Variants in CPAMD8 observed in about 807,000 individuals in gnomAD.
CPAMD8 encodes C3 and PZP-like alpha-2-macroglobulin domain-containing protein 8.
A neutral mutation model predicts 224.7 loss-of-function variants in CPAMD8; 146 were observed. That is an observed-to-expected ratio of 0.65 (90% confidence interval 0.57 to 0.75). The LOEUF (loss-of-function observed/expected upper bound fraction) is 0.75, where lower values mean the gene tolerates loss of function less well. CPAMD8 is among the 30% of genes least tolerant of loss of function. The pLI, the probability that CPAMD8 is intolerant of heterozygous loss-of-function variation, is 0.00. For missense variants in CPAMD8, 2,301 were observed against 2,537.5 expected, an observed-to-expected ratio of 0.91 and a Z score of 2.00; for synonymous variants, 966 against 1,044.6, an observed-to-expected ratio of 0.92 and a Z score of 1.45.
At chr19:16,904,095 C>T in intron 32 of CPAMD8, 131 bp downstream of exon 32, 1 of 1,104,700 alleles carries the variant, frequency 9.1e-7, no homozygotes, top group Non-Finnish European at 1.3e-6. Flanking sequence ...ACCCCCAACC[C>T]CTGCCCTCTT....
intron 27 of CPAMD8, among the ~76,000 whole-genome samples, chr19:16,919,599 G>A (rs146299440): frequency 1.7e-4 from 26 of 152,290 alleles, no homozygotes; most frequent in East Asian, 9.6e-4. Flanking sequence ...GAGATAATAC[G>A]TTTGTTGTTT....
Position 17,011,643 on chromosome 19 carries a change from C to G in CPAMD8, c.382G>C (p.Ala128Pro). 6 of 1,614,114 alleles carry G rather than the reference C, an allele frequency of 3.7e-6. No homozygotes were observed. Among genetic ancestry groups the G allele is most frequent in the Non-Finnish European group, 5.1e-6 (6 of 1,180,012 alleles). The change falls in exon 4 of 42, where the codon GCT (alanine) becomes CCT (proline). Residue 128 changes from alanine (A) to proline (P), a missense_variant. By Grantham distance (27) the Ala-to-Pro change is conservative. Coordinates refer to ENST00000443236, the MANE Select transcript of CPAMD8 (RefSeq NM_015692.5). ...TTGTCCGTCTGGATGAATACAGAAG[C>G]GCCCCGGCCGTCCACGGTCACCGAG... ...QTSVTVDGRG[A>P]SVFIQTDKPV...
chr19:17,012,098 C>G (rs531494303), intron 3 of CPAMD8, among the ~76,000 whole-genome samples: 1 of 152,120 alleles, frequency 6.6e-6, no homozygotes, highest in Non-Finnish European at 1.5e-5. Context: ...CAGCTCATTG[C>G]AACCTCTGTC....
chr19:17,014,404 G>A (rs552575024), intron 3 of CPAMD8, among the ~76,000 whole-genome samples: 1 of 152,134 alleles, frequency 6.6e-6, no homozygotes, highest in African/African-American at 2.4e-5. Context: ...GCCCTGGCAT[G>A]TGAGTCATGC....
chr19:16,905,560 G>GAAAAAA (rs2052440430), intron 30 of CPAMD8, among the ~76,000 whole-genome samples: 1 of 109,480 alleles, frequency 9.1e-6, no homozygotes, highest in African/African-American at 3.6e-5. Flanking sequence ...AAAAAAAAAA[G>GAAAAAA]GAAGAAAAGA....
Position 16,957,922 on chromosome 19 carries a change from A to G in CPAMD8, c.2214-7T>C, listed in dbSNP as rs2054526017. On this transcript the variant is annotated splice_region_variant and splice_polypyrimidine_tract_variant and intron_variant, in intron 18 of 41. Transcript: ENST00000443236. Reference sequence around the variant, plus strand: ...CCTTTTTCTCTTCTCTGTTCTATGAAAAGAAAAAAAGAAACGATTAAGGTT... The same window carrying G: ...CCTTTTTCTCTTCTCTGTTCTATGAGAAGAAAAAAAGAAACGATTAAGGTT... 1.2e-6 allele frequency: 2 copies of G among 1,610,570 alleles called. No individual in the cohort carries two copies. The highest frequency in any genetic ancestry group is 4.5e-5 in the East Asian group (2 of 44,878).
At chr19:16,955,986 G>A (rs986181267) in intron 19 of CPAMD8, among the ~76,000 whole-genome samples, 7 of 152,244 alleles carry the variant, frequency 4.6e-5, no homozygotes, top group Middle Eastern at 3.4e-3. Flanking sequence ...CTTTAAACGG[G>A]TGTGGTTTAA....
chr19:16,950,676 C>T (rs2054268866), intron 20 of CPAMD8, among the ~76,000 whole-genome samples: 1 of 151,500 alleles, frequency 6.6e-6, no homozygotes, highest in African/African-American at 2.4e-5. Context: ...ACCTGTAGTC[C>T]CATCTACTTG....
intron 34 of CPAMD8, 79 bp from the exon 35 acceptor site, chr19:16,902,942 T>A (rs2052323576): frequency 1.2e-6 from 1 of 800,248 alleles, no homozygotes. Context: ...AGAAGGGCAG[T>A]GGGGAGGTGG....
intron 22 of CPAMD8, among the ~76,000 whole-genome samples, chr19:16,941,289 C>G (rs966631512): frequency 3.9e-5 from 6 of 152,114 alleles, no homozygotes; most frequent in African/African-American, 1.4e-4. Context: ...ACCTAAATGT[C>G]CACCATAGGT....
chr19:16,988,751 A>G (rs1230297478), intron 13 of CPAMD8, among the ~76,000 whole-genome samples: 1 of 152,058 alleles, frequency 6.6e-6, no homozygotes, highest in East Asian at 1.9e-4. Flanking sequence ...GGGGTCCCCA[A>G]CCCCCAGGGC....
chr19:16,957,811 C>G lies in CPAMD8; in HGVS notation c.2276+42G>C, dbSNP rs1457090. The G allele has an allele frequency of 0.23, 373,592 of 1,606,110 alleles. 46,377 individuals carry two copies. The highest frequency in any genetic ancestry group is 0.45 in the African/African-American group (33,981 of 74,742). ...TCTGGACCCGCATGAGTGTCTTTCA[C>G]TCAACCGGCAAAGTCAGCGCAGAAA... is the stretch of plus-strand genomic sequence containing the variant. On this transcript the variant is annotated intron_variant, in intron 19 of 41. Transcript: ENST00000443236.
intron 1 of CPAMD8, among the ~76,000 whole-genome samples, chr19:17,025,336 T>C (rs981478914): frequency 5.9e-5 from 9 of 152,132 alleles, no homozygotes; most frequent in Admixed American, 5.9e-4. Context: ...CATTTGAACC[T>C]GGGAGGCGGA....
intron 15 of CPAMD8, among the ~76,000 whole-genome samples, chr19:16,976,775 C>T (rs2055289927): frequency 6.6e-6 from 1 of 151,914 alleles, no homozygotes; most frequent in Admixed American, 6.5e-5. Context: ...GGCGCAGTGG[C>T]TCACACCTGT....
chr19:16,980,512 G>T lies in CPAMD8; in HGVS notation c.1570C>A (p.His524Asn), dbSNP rs1361643793. 3 of 1,613,590 alleles carry T rather than the reference G, an allele frequency of 1.9e-6. No homozygotes were observed. The South Asian group carries it at 3.3e-5, about 18-fold the overall frequency. ...CCCGGCTCACCTGTCTCAGAAAGGTGTGTTAAACGAATCGGTTTCTCCAGG... is the reference window on the plus strand; with the variant it reads ...CCCGGCTCACCTGTCTCAGAAAGGTTTGTTAAACGAATCGGTTTCTCCAGG... ...PALEKPIRLT[H>N]LSETEPPPAP... The change falls in exon 14 of 42, where the codon CAC becomes AAC. Residue 524 changes from histidine (H) to asparagine (N), a missense_variant. Transcript: ENST00000443236.
At chr19:16,998,782 G>T (rs1397073526) in intron 10 of CPAMD8, among the ~76,000 whole-genome samples, 2 of 152,138 alleles carry the variant, frequency 1.3e-5, no homozygotes, top group African/African-American at 4.8e-5. Context: ...TTCCTCAAAA[G>T]GTCACACATA....
intron 29 of CPAMD8, among the ~76,000 whole-genome samples, chr19:16,911,045 G>T (rs1251790405): frequency 6.6e-6 from 1 of 152,234 alleles, no homozygotes; most frequent in East Asian, 1.9e-4. Context: ...GTGGCAATTT[G>T]TTATGGCAGC....
rs16981537 is a variant in CPAMD8, at chr19:16,994,283, T to C, written c.1096-697A>G. On this transcript the variant is annotated intron_variant, in intron 11 of 41. Coordinates refer to ENST00000443236, the MANE Select transcript of CPAMD8 (RefSeq NM_015692.5). ...AAGAGGTCATGAAGTACAAATTACATGTGCTAGTCATTAGTCTGATGCCAT... is the reference window on the plus strand; with the variant it reads ...AAGAGGTCATGAAGTACAAATTACACGTGCTAGTCATTAGTCTGATGCCAT... Among the ~76,000 whole-genome samples, 803 of 152,296 alleles carry C rather than the reference T, an allele frequency of 5.3e-3. 11 individuals carry two copies. The highest frequency in any genetic ancestry group is 0.018 in the African/African-American group (746 of 41,568).
chr19:16,934,423 T>C (rs1019277334), intron 23 of CPAMD8, among the ~76,000 whole-genome samples: 2 of 152,156 alleles, frequency 1.3e-5, no homozygotes, highest in Non-Finnish European at 2.9e-5. Flanking sequence ...AAAGTAGAAG[T>C]ACTATAAGAA....
Sources: allele counts gnomAD v4.1 joint callset (sites outside exome capture counted in the v4.1 genomes callset), GRCh38; gene constraint gnomAD v4.1.1; transcripts MANE v1.5; gene names NCBI Gene and HGNC (gene_info 2026-07-23, HGNC 2026-07-21).